Variants in PRKN observed in about 807,000 individuals in gnomAD.
The protein encoded by PRKN is E3 ubiquitin-protein ligase parkin.
Under a neutral mutation model 59.5 loss-of-function variants are expected in PRKN, and 56 were observed. The observed-to-expected ratio is 0.94, with a 90% CI of 0.76 to 1.18. The LOEUF (loss-of-function observed/expected upper bound fraction) is 1.18, where lower values mean the gene tolerates loss of function less well. Among genes scored for constraint, PRKN ranks in the 50% most tolerant of loss-of-function variants. The probability of loss-of-function intolerance (pLI) is 0.00; values close to 1 mark genes in which losing one functional copy is unlikely to be tolerated. For synonymous variants in PRKN, 250 were observed against 222.1 expected (o/e 1.13, Z -1.12); for missense variants, 657 against 596.4 (o/e 1.10, Z -1.06).
chr6:162,226,656 CCCGAGTAGCTGGGACTA>C (rs1047694029), intron 3 of PRKN, among the ~76,000 whole-genome samples: 76 of 152,174 alleles, frequency 5.0e-4, no homozygotes, highest in African/African-American at 1.8e-3. Flanking sequence ...GTCCCAGCCT[CCCGAGTAGCTGGGACTA>C]CAGGCGCCTG....
At chr6:162,004,737 A>T (rs944154156) in intron 5 of PRKN, among the ~76,000 whole-genome samples, 2 of 152,188 alleles carry the variant, frequency 1.3e-5, no homozygotes, top group African/African-American at 2.4e-5. Flanking sequence ...CACACTGCAG[A>T]TGGTATGTCT....
intron 6 of PRKN, among the ~76,000 whole-genome samples, chr6:161,805,585 C>A (rs1019330524): frequency 2.0e-5 from 3 of 152,124 alleles, no homozygotes; most frequent in African/African-American, 7.2e-5. Context: ...TGAGTCTCTT[C>A]CAGGGCTCCA....
In PRKN at chr6:161,360,100, C is replaced by T; in HGVS notation, c.1273G>A (p.Val425Met). The change falls in exon 11 of 12, where the codon GTG becomes ATG. Residue 425 changes from valine to methionine, a missense_variant. Val to Met is a conservative substitution (Grantham distance 21, BLOSUM62 1). Coordinates refer to ENST00000366898, the MANE Select transcript of PRKN (RefSeq NM_004562.3). The surrounding 1 kb of genome is among the most constrained non-coding windows in gnomAD (Gnocchi z 5.1). Reference sequence around the variant, plus strand: ...AGCACAGACTCACCATTTTTTTCCACTGGTACATGGCAGCGGGGACAGGGC... The same window carrying T: ...AGCACAGACTCACCATTTTTTTCCATTGGTACATGGCAGCGGGGACAGGGC... The part of the protein sequence containing the change: ...TKPCPRCHVP[V>M]EKNGGCMHMK... 1 of 1,613,000 alleles carries T rather than the reference C, an allele frequency of 6.2e-7. No homozygotes were observed. The highest frequency in any genetic ancestry group is 8.5e-7 in the Non-Finnish European group (1 of 1,178,944).
At chr6:162,512,181 C>T (rs1266573125) in intron 1 of PRKN, among the ~76,000 whole-genome samples, 3 of 152,170 alleles carry the variant, frequency 2.0e-5, no homozygotes, top group African/African-American at 7.2e-5. Context: ...ACTTTCCTTA[C>T]AGCTTCTCCT....
At chr6:162,013,581 C>T (rs146301518) in intron 5 of PRKN, among the ~76,000 whole-genome samples, 17 of 152,278 alleles carry the variant, frequency 1.1e-4, no homozygotes, top group African/African-American at 4.1e-4. Context: ...ATCTTTATGA[C>T]AACCCCAAGT....
intron 6 of PRKN, among the ~76,000 whole-genome samples, chr6:161,920,618 C>T (rs973264193): frequency 1.3e-5 from 2 of 151,010 alleles, no homozygotes; most frequent in Admixed American, 6.6e-5. Context: ...AACCCCGTCT[C>T]GTCTCTACTA....
chr6:161,962,448 T>C (rs1179902782), intron 6 of PRKN, among the ~76,000 whole-genome samples: 1 of 152,176 alleles, frequency 6.6e-6, no homozygotes, highest in Admixed American at 6.5e-5. Context: ...ACTGTGGGTA[T>C]TTCTTTCAGA....
chr6:162,549,927 G>T (rs920072785), intron 1 of PRKN, among the ~76,000 whole-genome samples: 1 of 152,066 alleles, frequency 6.6e-6, no homozygotes, highest in African/African-American at 2.4e-5. Context: ...GTGAGCCACC[G>T]CACCCAGCCA....
chr6:162,377,012 T>C (rs1474502346), intron 2 of PRKN, among the ~76,000 whole-genome samples: 1 of 151,974 alleles, frequency 6.6e-6, no homozygotes, highest in African/African-American at 2.4e-5. Flanking sequence ...CTGGACACAG[T>C]GCCCACTTAG....
chr6:161,923,407 C>T (rs148364351), intron 6 of PRKN, among the ~76,000 whole-genome samples: 4 of 152,162 alleles, frequency 2.6e-5, no homozygotes, highest in South Asian at 2.1e-4. Context: ...TGCTTGAACC[C>T]GGGAGGTGGA....
intron 3 of PRKN, among the ~76,000 whole-genome samples, chr6:162,207,203 T>C (rs960168789): frequency 2.7e-4 from 41 of 152,014 alleles, no homozygotes; most frequent in Non-Finnish European, 1.3e-4. Context: ...AAACCCCTTC[T>C]CTATTAAAAA....
At chr6:162,483,971 G>A (rs1035585873) in intron 1 of PRKN, among the ~76,000 whole-genome samples, 2 of 152,146 alleles carry the variant, frequency 1.3e-5, no homozygotes, top group African/African-American at 2.4e-5. Context: ...ATGCTCATAT[G>A]TACTGATGTA....
chr6:161,604,870 G>A (rs1433362297), intron 7 of PRKN, among the ~76,000 whole-genome samples: 2 of 152,156 alleles, frequency 1.3e-5, no homozygotes, highest in Non-Finnish European at 2.9e-5. Context: ...GGGAGGTGGA[G>A]GTTGCAGCGA....
At chr6:162,261,149 C>T (rs1779870460) in intron 3 of PRKN, among the ~76,000 whole-genome samples, 1 of 152,082 alleles carries the variant, frequency 6.6e-6, no homozygotes, top group Admixed American at 6.6e-5. Flanking sequence ...CAGTTGGTGC[C>T]TTCTCAAGGA....
intron 7 of PRKN, among the ~76,000 whole-genome samples, chr6:161,583,195 C>A (rs1302361141): frequency 6.6e-6 from 1 of 152,112 alleles, no homozygotes; most frequent in Non-Finnish European, 1.5e-5. Flanking sequence ...TCTGAGCACA[C>A]AGGGCATAGG....
Position 161,412,986 on chromosome 6 carries a change from C to G in PRKN, c.1084-26109G>C, listed in dbSNP as rs1268045334. On this transcript the variant is annotated intron_variant, in intron 9 of 11. Coordinates refer to ENST00000366898, the MANE Select transcript of PRKN (RefSeq NM_004562.3). ...CCTGTGGCCTGTGCTGGAGAAGGAA[C>G]AGTAATCAGAGACAGGCTCTGTCTG... is the stretch of plus-strand genomic sequence containing the variant. 2.0e-5 allele frequency among the ~76,000 whole-genome samples: 3 copies of G among 152,232 alleles called. 1 individual carries two copies. Among genetic ancestry groups the G allele is most frequent in the African/African-American group, 7.2e-5 (3 of 41,450 alleles).
chr6:161,549,118 A>ATG lies in PRKN; in HGVS notation c.934-117_934-116dup, dbSNP rs59889520. Reference sequence around the variant, plus strand: ...TTAACCAGTTTCAGTAAAATAATGCATGTGTGTGTGTGTGTGTGTGTGTAG... The same window carrying ATG: ...TTAACCAGTTTCAGTAAAATAATGCATGTGTGTGTGTGTGTGTGTGTGTGTAG... On this transcript the variant is annotated intron_variant, in intron 8 of 11. Coordinates refer to ENST00000366898, the MANE Select transcript of PRKN (RefSeq NM_004562.3). The surrounding 1 kb of genome is among the most constrained non-coding windows in gnomAD (Gnocchi z 6.0). 7.3e-3 allele frequency: 6,379 copies of ATG among 871,478 alleles called. 7 individuals carry two copies. The highest frequency in any genetic ancestry group is 0.024 in the South Asian group (1,574 of 66,144). 54.0% of individuals were successfully genotyped at this position (871,478 alleles called of 1,614,324 possible). A position where few individuals can be genotyped will look rare whatever the true frequency, so the allele number is the denominator to read the frequency against.
intron 5 of PRKN, among the ~76,000 whole-genome samples, chr6:162,024,194 CT>C (rs111595639): frequency 1.4e-3 from 115 of 82,048 alleles, no homozygotes; most frequent in Non-Finnish European, 1.5e-3. Context: ...TCCCCCAACC[CT>C]TTTTTTTTTT....
In PRKN at chr6:162,359,766, G is replaced by A. The variant is rs1044910124; in HGVS notation, c.171+83544C>T. Among the ~76,000 whole-genome samples the A allele has an allele frequency of 5.3e-5, 8 of 152,040 alleles. No homozygotes were observed. In the South Asian group the frequency reaches 8.3e-4, roughly 16 times the overall value. On this transcript the variant is annotated intron_variant, in intron 2 of 11. Coordinates refer to ENST00000366898, the MANE Select transcript of PRKN (RefSeq NM_004562.3). ...CATGATTATTATATAGAGAATAGAC[G>A]TTTGCCTCTTAATGGAATTGGAAAA...
Sources: allele counts gnomAD v4.1 joint callset (sites outside exome capture counted in the v4.1 genomes callset), GRCh38; gene constraint gnomAD v4.1.1; non-coding constraint Gnocchi (gnomAD v3.1); transcripts MANE v1.5; gene names NCBI Gene and HGNC (gene_info 2026-07-23, HGNC 2026-07-21).